Variants in MGAT4C observed in about 807,000 individuals in gnomAD.
The protein encoded by MGAT4C is alpha-1,3-mannosyl-glycoprotein 4-beta-N-acetylglucosaminyltransferase C.
Under a neutral mutation model 40.1 loss-of-function variants are expected in MGAT4C, and 19 were observed. The observed-to-expected ratio is 0.47, with a 90% CI of 0.33 to 0.70. The LOEUF is 0.70. Among genes scored for constraint, MGAT4C ranks in the 30% least tolerant of loss-of-function variants. MGAT4C has a pLI of 0.02. For missense variants in MGAT4C, 491 were observed against 563.2 expected, an observed-to-expected ratio of 0.87 and a Z score of 1.30; for synonymous variants, 181 against 187.1, an observed-to-expected ratio of 0.97 and a Z score of 0.27.
At chr12:86,068,482 A>G (rs1328970969) in intron 1 of MGAT4C, 1 of 150,872 alleles carries the variant, frequency 6.6e-6, no homozygotes, top group East Asian at 1.9e-4. Flanking sequence ...TTCAGAGTTG[A>G]TGTAAGTCAT....
At chr12:86,631,785 C>T (rs1963053547) in intron 2 of MGAT4C, among the ~76,000 whole-genome samples, 2 of 151,990 alleles carry the variant, frequency 1.3e-5, no homozygotes, top group African/African-American at 4.8e-5. Context: ...AATGTTAGAC[C>T]TAAAACTATA....
At chr12:86,329,622 T>C (rs1013321603) in intron 4 of MGAT4C, among the ~76,000 whole-genome samples, 4 of 152,202 alleles carry the variant, frequency 2.6e-5, no homozygotes, top group African/African-American at 7.2e-5. Context: ...AATGTACTTT[T>C]GCTGCTTCCC....
chr12:86,227,960 T>C (rs1277050273), intron 1 of MGAT4C, among the ~76,000 whole-genome samples: 1 of 151,946 alleles, frequency 6.6e-6, no homozygotes, highest in Non-Finnish European at 1.5e-5. Context: ...GGCTTTTTAA[T>C]ATTCCTCATG....
At chr12:86,404,715 AAAAAG>A (rs750888523) in intron 3 of MGAT4C, among the ~76,000 whole-genome samples, 12 of 152,166 alleles carry the variant, frequency 7.9e-5, no homozygotes, top group Admixed American at 6.5e-5. Context: ...ACATTTTAAT[AAAAAG>A]AAAAGAAAAG....
intron 2 of MGAT4C, among the ~76,000 whole-genome samples, chr12:86,603,751 T>C (rs1271725448): frequency 7.7e-6 from 1 of 130,052 alleles, no homozygotes; most frequent in Non-Finnish European, 1.6e-5. Flanking sequence ...CTATATATTA[T>C]ATATAATATA....
At chr12:86,114,233 G>C (rs1252738109) in intron 1 of MGAT4C, among the ~76,000 whole-genome samples, 2 of 151,522 alleles carry the variant, frequency 1.3e-5, no homozygotes, top group African/African-American at 2.4e-5. Context: ...TTCTTCTTTT[G>C]GTATTCCTTA....
chr12:86,038,455 G>T (rs1891459746), intron 2 of MGAT4C, among the ~76,000 whole-genome samples: 1 of 149,900 alleles, frequency 6.7e-6, no homozygotes, highest in Non-Finnish European at 1.5e-5. Flanking sequence ...ATTTAGGATA[G>T]TTAGCTCTTC....
chr12:86,117,861 G>A (rs1878696963), intron 1 of MGAT4C, among the ~76,000 whole-genome samples: 1 of 152,136 alleles, frequency 6.6e-6, no homozygotes, highest in Non-Finnish European at 1.5e-5. Context: ...CAAAATGGCA[G>A]TCAAACTGCC....
intron 2 of MGAT4C, among the ~76,000 whole-genome samples, chr12:86,498,703 T>C (rs1250587871): frequency 6.6e-6 from 1 of 151,942 alleles, no homozygotes; most frequent in South Asian, 2.1e-4. Context: ...GTGTAGCAGG[T>C]ATCCACTTAA....
chr12:86,668,671 G>C (rs1335933455), intron 2 of MGAT4C, among the ~76,000 whole-genome samples: 1 of 152,186 alleles, frequency 6.6e-6, no homozygotes, highest in African/African-American at 2.4e-5. Context: ...AGCAGGATAG[G>C]GGCCTCCACA....
At chr12:86,220,507 A>C (rs1950838074) in intron 1 of MGAT4C, among the ~76,000 whole-genome samples, 1 of 152,192 alleles carries the variant, frequency 6.6e-6, no homozygotes, top group Non-Finnish European at 1.5e-5. Context: ...TTACCACCCT[A>C]ATCCCTTAAT....
intron 1 of MGAT4C, among the ~76,000 whole-genome samples, chr12:86,204,827 G>A (rs1257336988): frequency 2.0e-5 from 3 of 152,046 alleles, no homozygotes; most frequent in Admixed American, 6.6e-5. Context: ...AATGCCATAT[G>A]TGAAAACTTT....
chr12:86,100,873 AAGAT>A (rs1328945405), intron 1 of MGAT4C, among the ~76,000 whole-genome samples: 2 of 151,582 alleles, frequency 1.3e-5, no homozygotes, highest in East Asian at 1.9e-4. Flanking sequence ...AGGGAGGAAA[AAGAT>A]AGACTATATA....
At chr12:86,467,533 T>C (rs1288718538) in intron 2 of MGAT4C, among the ~76,000 whole-genome samples, 3 of 152,122 alleles carry the variant, frequency 2.0e-5, no homozygotes, top group African/African-American at 7.2e-5. Context: ...ATACACAGAA[T>C]AACAAAGGGT....
intron 1 of MGAT4C, among the ~76,000 whole-genome samples, chr12:86,806,281 A>G (rs553622994): frequency 1.3e-5 from 2 of 152,064 alleles, no homozygotes; most frequent in African/African-American, 4.8e-5. Flanking sequence ...AAATGCTACT[A>G]TAAGAAATAA....
At chr12:86,679,798 C>T (rs1026933687) in intron 2 of MGAT4C, among the ~76,000 whole-genome samples, 3 of 152,062 alleles carry the variant, frequency 2.0e-5, no homozygotes, top group Non-Finnish European at 2.9e-5. Context: ...TCTCAGCCTC[C>T]ACAACTGTAA....
intron 1 of MGAT4C, among the ~76,000 whole-genome samples, chr12:86,230,624 C>T (rs1951275503): frequency 6.6e-6 from 1 of 151,976 alleles, no homozygotes; most frequent in South Asian, 2.1e-4. Context: ...GTGATGATGC[C>T]AACATATCGT....
intron 1 of MGAT4C, among the ~76,000 whole-genome samples, chr12:86,149,990 C>T (rs1180637335): frequency 1.3e-5 from 2 of 152,142 alleles, no homozygotes; most frequent in East Asian, 3.9e-4. Context: ...TGGTCCCCAA[C>T]TTTTTGGCAC....
chr12:86,590,694 C>T (rs779108433), intron 2 of MGAT4C, among the ~76,000 whole-genome samples: 5 of 150,640 alleles, frequency 3.3e-5, no homozygotes, highest in Non-Finnish European at 5.9e-5. Context: ...AATACAGAAA[C>T]AAAAAAAAAT....
Sources: gnomAD v4.1 joint callset for allele counts (sites outside exome capture counted in the v4.1 genomes callset) on GRCh38, gnomAD v4.1.1 for gene constraint, MANE v1.5 for transcripts, NCBI Gene and HGNC (gene_info 2026-07-23, HGNC 2026-07-21) for gene names.